DENND1A: variants seen among roughly 807,000 people sequenced by gnomAD.
DENND1A encodes the protein DENN domain containing 1A.
DENND1A carries 51 observed loss-of-function variants against 113.7 expected under a neutral mutation model. The ratio of observed to expected loss-of-function variants is 0.45; its 90% CI spans 0.36 to 0.57. The LOEUF (loss-of-function observed/expected upper bound fraction) is 0.57. Ranked by LOEUF, DENND1A falls within the 20% of genes least tolerant of loss-of-function variation. DENND1A has a pLI of 0.00. For synonymous variants in DENND1A, 565 were observed against 570.8 expected, an observed-to-expected ratio of 0.99 and a Z score of 0.14; for missense variants, 1,258 against 1,395.9, an observed-to-expected ratio of 0.90 and a Z score of 1.57.
rs541094743 is a variant in DENND1A, at chr9:123,532,068, C to T, written c.993+25502G>A. The stretch of plus-strand genomic sequence containing the variant: ...TGGCTAAGCTGGGGGCAATTTTCTT[C>T]ATTCACTTAGAATTTTTCATAGGTG... On this transcript the variant is annotated intron_variant, in intron 13 of 23. Coordinates refer to ENST00000394215, the MANE Select transcript of DENND1A (RefSeq NM_001352964.2). Among the ~76,000 whole-genome samples the T allele has an allele frequency of 5.9e-5, 9 of 152,294 alleles. No homozygotes were observed. The East Asian group carries it at 1.2e-3, about 20-fold the overall frequency.
chr9:123,565,823 G>C (rs1417646512), intron 12 of DENND1A, among the ~76,000 whole-genome samples: 1 of 152,136 alleles, frequency 6.6e-6, no homozygotes, highest in Non-Finnish European at 1.5e-5. Flanking sequence ...AAAACAAAAA[G>C]TCTTAATATG....
intron 9 of DENND1A, among the ~76,000 whole-genome samples, chr9:123,646,645 T>C (rs1366874075): frequency 6.6e-6 from 1 of 152,142 alleles, no homozygotes. Context: ...GGCTTTATTT[T>C]ACTCCTTAGT....
intron 13 of DENND1A, among the ~76,000 whole-genome samples, chr9:123,545,092 C>T (rs143555142): frequency 0.067 from 9,775 of 145,940 alleles, 387 homozygotes; most frequent in Non-Finnish European, 0.075. Context: ...AGCAAGACTC[C>T]GTCTCAAAAA....
intron 22 of DENND1A, among the ~76,000 whole-genome samples, chr9:123,384,471 A>C (rs2042454570): frequency 6.6e-6 from 1 of 152,198 alleles, no homozygotes; most frequent in Non-Finnish European, 1.5e-5. Context: ...GACCTTTGGC[A>C]GGTCACTTAA....
At chr9:123,837,685 A>T (rs185310357) in intron 2 of DENND1A, among the ~76,000 whole-genome samples, 5 of 152,220 alleles carry the variant, frequency 3.3e-5, no homozygotes, top group Admixed American at 2.6e-4. Flanking sequence ...GGCAATCTCA[A>T]CCTAAACCTC....
intron 13 of DENND1A, among the ~76,000 whole-genome samples, chr9:123,545,149 G>A (rs1310536174): frequency 1.3e-5 from 2 of 151,898 alleles, no homozygotes; most frequent in African/African-American, 4.8e-5. Flanking sequence ...ACATCCTACT[G>A]AGCACCTTCT....
intron 5 of DENND1A, among the ~76,000 whole-genome samples, chr9:123,718,807 A>T (rs976566396): frequency 6.6e-6 from 1 of 152,202 alleles, no homozygotes; most frequent in African/African-American, 2.4e-5. Context: ...CTACACCCAG[A>T]GTGTCCACAA....
intron 5 of DENND1A, among the ~76,000 whole-genome samples, chr9:123,748,131 A>C (rs1477456281): frequency 6.6e-6 from 1 of 152,230 alleles, no homozygotes; most frequent in Admixed American, 6.5e-5. Context: ...TCTCACACAA[A>C]TAAATTATGT....
chr9:123,820,351 A>G (rs1169117062), intron 2 of DENND1A, among the ~76,000 whole-genome samples: 2 of 152,132 alleles, frequency 1.3e-5, no homozygotes, highest in African/African-American at 2.4e-5. Context: ...GCCTTTAGAG[A>G]CTTGGCAACT....
chr9:123,679,879 C>T (rs1448540885), intron 5 of DENND1A, among the ~76,000 whole-genome samples: 1 of 152,128 alleles, frequency 6.6e-6, no homozygotes, highest in Non-Finnish European at 1.5e-5. Flanking sequence ...TAACGGGGTG[C>T]GACCATCCGT....
intron 13 of DENND1A, among the ~76,000 whole-genome samples, chr9:123,532,686 A>C (rs2055419353): frequency 6.6e-6 from 1 of 152,224 alleles, no homozygotes; most frequent in Non-Finnish European, 1.5e-5. Context: ...GCAGTTACCC[A>C]ACTGCCCTTA....
chr9:123,598,083 C>T (rs2059775878), intron 11 of DENND1A, among the ~76,000 whole-genome samples: 1 of 152,190 alleles, frequency 6.6e-6, no homozygotes, highest in Admixed American at 6.5e-5. Context: ...CCTTTCAACC[C>T]TTTGATCTTC....
At chr9:123,506,843 C>T (rs1163035187) in intron 13 of DENND1A, among the ~76,000 whole-genome samples, 4 of 152,114 alleles carry the variant, frequency 2.6e-5, no homozygotes, top group Admixed American at 6.6e-5. Context: ...AGAATAAACA[C>T]ATATTCAAGC....
chr9:123,725,382 G>A lies in DENND1A; in HGVS notation c.302+32321C>T, dbSNP rs563934218. Among the ~76,000 whole-genome samples the A allele has an allele frequency of 5.9e-5, 9 of 152,284 alleles. No individual in the cohort carries two copies. The South Asian group carries it at 1.2e-3, about 21-fold the overall frequency. On this transcript the variant is annotated intron_variant, in intron 5 of 23. Transcript: ENST00000394215. ...CTTGAGAAAAGTTTCCTTCTGTCCC[G>A]CATGCAAAGGCAGCTGCCCGGGACT...
At chr9:123,719,607 G>A (rs934258468) in intron 5 of DENND1A, among the ~76,000 whole-genome samples, 2 of 152,014 alleles carry the variant, frequency 1.3e-5, no homozygotes, top group African/African-American at 4.8e-5. Flanking sequence ...TGAAATGCCT[G>A]GGACCAGAAG....
At chr9:123,610,855 C>T (rs947118950) in intron 10 of DENND1A, among the ~76,000 whole-genome samples, 1 of 152,138 alleles carries the variant, frequency 6.6e-6, no homozygotes, top group Non-Finnish European at 1.5e-5. Context: ...ATCCTGAAAG[C>T]AATGGATAGG....
intron 23 of DENND1A, 21 bp downstream of exon 23, chr9:123,383,634 C>T: frequency 5.0e-6 from 8 of 1,603,680 alleles, no homozygotes; most frequent in Non-Finnish European, 6.8e-6. Flanking sequence ...CGGCCGATAC[C>T]CTCCCTTGCC....
intron 2 of DENND1A, among the ~76,000 whole-genome samples, chr9:123,796,858 G>T (rs1461753262): frequency 6.6e-6 from 1 of 151,846 alleles, no homozygotes; most frequent in African/African-American, 2.4e-5. Context: ...GTCAAGGCAT[G>T]ACATATTTTT....
At chr9:123,696,618 C>CA (rs1449158519) in intron 5 of DENND1A, among the ~76,000 whole-genome samples, 3 of 151,864 alleles carry the variant, frequency 2.0e-5, no homozygotes, top group Non-Finnish European at 4.4e-5. Context: ...AGACAGGGCA[C>CA]AAAGGAGGAG....
Sources: gnomAD v4.1 joint callset for allele counts (sites outside exome capture counted in the v4.1 genomes callset) on GRCh38, gnomAD v4.1.1 for gene constraint, MANE v1.5 for transcripts, NCBI Gene and HGNC (gene_info 2026-07-23, HGNC 2026-07-21) for gene names.